MYH9: variants seen among roughly 807,000 people sequenced by gnomAD.
The protein encoded by MYH9 is myosin heavy chain 9.
Under a neutral mutation model 241.9 loss-of-function variants are expected in MYH9, and 29 were observed. That is an observed-to-expected ratio of 0.12 (90% CI 0.09 to 0.16). The LOEUF (loss-of-function observed/expected upper bound fraction) is 0.16. Among genes scored for constraint, MYH9 ranks in the 10% least tolerant of loss-of-function variants. The pLI is 1.00. For missense variants in MYH9, 1,803 were observed against 2,595.5 expected, an observed-to-expected ratio of 0.69 and a Z score of 6.63; for synonymous variants, 1,047 against 1,062.6, an observed-to-expected ratio of 0.99 and a Z score of 0.29.
chr22:36,286,162 T>C (rs547708255), intron 35 of MYH9: 6 of 623,950 alleles, frequency 9.6e-6, no homozygotes, highest in Non-Finnish European at 2.8e-6. Flanking sequence ...TACATTTAAG[T>C]GCTAGGAATC....
rs759789202 is a variant in MYH9 at position 36,288,819 on chromosome 22, C to T, written c.4678G>A (p.Val1560Ile). 1.9e-6 allele frequency: 3 copies of T among 1,613,578 alleles called. No individual in the cohort carries two copies. The highest frequency in any genetic ancestry group is 2.5e-6 in the Non-Finnish European group (3 of 1,180,018). Reference sequence around the variant, plus strand: ...TGGGCCTTCATGGCCTGCAGGTTGACCTCCAACCGCAGCTTGGCATCTTCG... The same window carrying T: ...TGGGCCTTCATGGCCTGCAGGTTGATCTCCAACCGCAGCTTGGCATCTTCG... Reference protein sequence around the residue: ...ATEDAKLRLEVNLQAMKAQFE... With the variant: ...ATEDAKLRLEINLQAMKAQFE... The change falls in exon 33 of 41, where the codon GTC becomes ATC. Residue 1560 changes from valine (V) to isoleucine (I), a missense_variant. Around this residue, in one of 11 missense-constraint regions of MYH9, gnomAD observed 876 missense variants for 1,077.8 expected, o/e 0.81. Transcript: ENST00000216181. This position sits in a 1 kb window ranked among gnomAD's most constrained non-coding sequence, Gnocchi z 4.8.
chr22:36,357,503 G>A (rs1208793221), intron 1 of MYH9, among the ~76,000 whole-genome samples: 3 of 152,102 alleles, frequency 2.0e-5, no homozygotes, highest in Non-Finnish European at 2.9e-5. Context: ...GATGCCAGTC[G>A]CACCCTGTCC....
rs745522193 is a variant in MYH9 at position 36,341,437 on chromosome 22, C to G, written c.423G>C (p.Lys141Asn). The G allele has an allele frequency of 1.8e-5, 29 of 1,614,110 alleles. No individual in the cohort carries two copies. The highest frequency in any genetic ancestry group is 2.2e-5 in the Non-Finnish European group (26 of 1,180,040). ...SEEIVEMYKG[K>N]KRHEMPPHIY... ...TGTGAGGGGGCATCTCGTGCCTCTT[C>G]TTGCCCTTGTACATTTCCACAATCT... is the stretch of plus-strand genomic sequence containing the variant. The change falls in exon 3 of 41, where the codon AAG becomes AAC. Residue 141 changes from lysine to asparagine, a missense_variant. Lys to Asn is a moderately conservative substitution (Grantham distance 94). This residue lies in a region of MYH9 where 72 missense variants were observed against 134.3 expected (regional missense o/e 0.54). Transcript: ENST00000216181.
intron 1 of MYH9, among the ~76,000 whole-genome samples, chr22:36,352,115 C>T (rs1476672551): frequency 7.2e-5 from 11 of 152,218 alleles, no homozygotes; most frequent in African/African-American, 2.7e-4. Context: ...TGGCCTCCTC[C>T]CAGAACAATT....
intron 2 of MYH9, among the ~76,000 whole-genome samples, chr22:36,346,611 T>G (rs1247716019): frequency 6.6e-6 from 1 of 152,176 alleles, no homozygotes; most frequent in Admixed American, 6.5e-5. Context: ...CTTTTTTCTT[T>G]TTTTTGTTTG....
intron 1 of MYH9, among the ~76,000 whole-genome samples, chr22:36,350,999 G>GTTTTT (rs2017756618): frequency 1.3e-5 from 2 of 152,192 alleles, no homozygotes; most frequent in Non-Finnish European, 2.9e-5. Flanking sequence ...GGAACACCAT[G>GTTTTT]GGCTTTTGTG....
chr22:36,363,174 C>G (rs1440080641), intron 1 of MYH9, among the ~76,000 whole-genome samples: 5 of 152,124 alleles, frequency 3.3e-5, no homozygotes, highest in Admixed American at 6.5e-5. Context: ...TATGAATTAC[C>G]CTAGTATGAA....
chr22:36,314,351 C>A, intron 12 of MYH9, 33 bp from the exon 13 acceptor site: 1 of 1,612,704 alleles, frequency 6.2e-7, no homozygotes, highest in Non-Finnish European at 8.5e-7. Flanking sequence ...CAGAGAGACG[C>A]CAACCCTGCA....
intron 2 of MYH9, among the ~76,000 whole-genome samples, chr22:36,348,432 C>G (rs1312587857): frequency 6.6e-6 from 1 of 151,100 alleles, no homozygotes; most frequent in East Asian, 1.9e-4. Context: ...TCGCTTGAAC[C>G]CAGGAGACAG....
chr22:36,326,449 T>G (rs527592975), intron 5 of MYH9, 119 bp downstream of exon 5: 1 of 990,864 alleles, frequency 1.0e-6, no homozygotes, highest in Non-Finnish European at 1.6e-6. Flanking sequence ...GCCCAGCCTC[T>G]GCTTCATTCC....
chr22:36,300,601 C>T lies in MYH9; in HGVS notation c.2838+250G>A, dbSNP rs56094849. ...CCTGTGCCCCTTCGGCTAGCCAGGG[C>T]CAGGGCTAATGGCAGGGAAATCAAA... On this transcript the variant is annotated intron_variant, in intron 22 of 40. Transcript: ENST00000216181. This position sits in a 1 kb window ranked among gnomAD's most constrained non-coding sequence, Gnocchi z 5.0. Among the ~76,000 whole-genome samples the T allele has an allele frequency of 7.5e-3, 1,146 of 152,344 alleles. 6 individuals are homozygous for T. The highest frequency in any genetic ancestry group is 0.011 in the Non-Finnish European group (734 of 68,032).
At chr22:36,362,543 C>T (rs1185034208) in intron 1 of MYH9, among the ~76,000 whole-genome samples, 1 of 152,166 alleles carries the variant, frequency 6.6e-6, no homozygotes, top group African/African-American at 2.4e-5. Flanking sequence ...GGCTGGAGTG[C>T]AGTGGCACAA....
intron 3 of MYH9, among the ~76,000 whole-genome samples, chr22:36,332,900 T>C (rs1427946155): frequency 2.6e-5 from 4 of 152,106 alleles, no homozygotes; most frequent in African/African-American, 4.8e-5. Flanking sequence ...CCAACAGGTT[T>C]GTCAGACTGG....
At chr22:36,319,844 T>C in intron 9 of MYH9, 1 of 655,340 alleles carries the variant, frequency 1.5e-6, no homozygotes, top group Non-Finnish European at 2.7e-6. Flanking sequence ...CTGGCCGACA[T>C]GGCCTGTCCG....
At chr22:36,384,296 A>G (rs990300122) in intron 1 of MYH9, among the ~76,000 whole-genome samples, 2 of 148,226 alleles carry the variant, frequency 1.3e-5, no homozygotes, top group African/African-American at 5.0e-5. Context: ...CAAAAACCAT[A>G]TATGAGCCGG....
chr22:36,368,718 C>T (rs1159715331), intron 1 of MYH9, among the ~76,000 whole-genome samples: 5 of 152,070 alleles, frequency 3.3e-5, no homozygotes, highest in East Asian at 1.9e-4. Context: ...CTGTCTATAT[C>T]GCCCTAAACA....
At chr22:36,386,709 C>A (rs1362520528) in intron 1 of MYH9, among the ~76,000 whole-genome samples, 2 of 152,154 alleles carry the variant, frequency 1.3e-5, no homozygotes, top group Non-Finnish European at 2.9e-5. Flanking sequence ...GCTCACCCTG[C>A]CCCCCACCAC....
At position 36,349,102 on chromosome 22, in the gene MYH9, G is replaced by A. The variant is rs1456833449; in HGVS notation, c.135C>T (p.Ser45=). The change falls in exon 2 of 41, where the codon AGC becomes AGT. Residue 45 remains serine, a synonymous_variant. Coordinates refer to ENST00000216181, the MANE Select transcript of MYH9 (RefSeq NM_002473.6). ...CCTCTTCGCCCACCTCCTCCTTGAG[G>A]CTGGCTGGCTCAAAGCCACTCTTGT... ...PSDKSGFEPA[S]LKEEVGEEAI... is the part of the protein sequence containing the mutation. The A allele has an allele frequency of 2.5e-6, 4 of 1,614,172 alleles. No homozygotes were observed. Among genetic ancestry groups the A allele is most frequent in the Non-Finnish European group, 3.4e-6 (4 of 1,180,030 alleles).
Position 36,287,000 on chromosome 22 carries a change from A to G in MYH9, c.4933-154T>C, listed in dbSNP as rs572636064. 80 of 1,029,772 alleles carry G rather than the reference A, an allele frequency of 7.8e-5. No individual in the cohort carries two copies. The East Asian group carries it at 1.9e-3, about 25-fold the overall frequency. The allele number at this position is 1,029,772 out of a possible 1,614,324, so 63.8% of individuals were successfully genotyped here. On this transcript the variant is annotated intron_variant, in intron 34 of 40. Transcript: ENST00000216181. ...GTGGTGACAGGGCAAAAAGGCAACT[A>G]AAGACAATCATCTGTGTATCCCACC...
Sources: gnomAD v4.1 joint callset for allele counts (sites outside exome capture counted in the v4.1 genomes callset) on GRCh38, gnomAD v4.1.1 for gene constraint, gnomAD v4.1.1 regional missense constraint, Gnocchi (gnomAD v3.1) non-coding constraint, MANE v1.5 for transcripts, NCBI Gene and HGNC (gene_info 2026-07-23, HGNC 2026-07-21) for gene names.